Variants in GADL1 observed in about 807,000 individuals in gnomAD.
The protein encoded by GADL1 is acidic amino acid decarboxylase GADL1.
A neutral mutation model predicts 69.5 loss-of-function variants in GADL1; 71 were observed. That is an observed-to-expected ratio of 1.02 (90% CI 0.84 to 1.25). The LOEUF (loss-of-function observed/expected upper bound fraction) is 1.25. GADL1 is among the 50% of genes most tolerant of loss of function. GADL1 has a pLI of 0.00. For missense variants in GADL1, 737 were observed against 631.8 expected (o/e 1.17, Z -1.79); for synonymous variants, 254 against 214.4 (o/e 1.18, Z -1.62).
chr3:30,784,785 C>T (rs1317462271), intron 13 of GADL1, among the ~76,000 whole-genome samples: 1 of 152,146 alleles, frequency 6.6e-6, no homozygotes, highest in African/African-American at 2.4e-5. Flanking sequence ...AAAACATCTC[C>T]AGTGACTACA....
intron 14 of GADL1, among the ~76,000 whole-genome samples, chr3:30,756,651 C>T (rs1266562015): frequency 6.6e-6 from 1 of 152,090 alleles, no homozygotes; most frequent in Non-Finnish European, 1.5e-5. Context: ...GGAACACTAC[C>T]ACTGGCAGAA....
chr3:30,853,650 A>G (rs1698183939), intron 4 of GADL1, among the ~76,000 whole-genome samples: 1 of 152,184 alleles, frequency 6.6e-6, no homozygotes, highest in Non-Finnish European at 1.5e-5. Context: ...TATGAATGAT[A>G]TGACCATGAA....
chr3:30,761,740 C>G (rs935411550), intron 14 of GADL1, among the ~76,000 whole-genome samples: 1 of 151,978 alleles, frequency 6.6e-6, no homozygotes, highest in Non-Finnish European at 1.5e-5. Context: ...ATCATTAGAC[C>G]AGTAAGTAAA....
In GADL1 at chr3:30,839,072, A is replaced by G. The variant is rs113544298; in HGVS notation, c.828T>C (p.Thr276=). 3 of 1,605,796 alleles carry G rather than the reference A, an allele frequency of 1.9e-6. No individual in the cohort carries two copies. The highest frequency in any genetic ancestry group is 2.6e-6 in the Non-Finnish European group (3 of 1,176,210). Residue 276 remains threonine, a synonymous_variant, in exon 9 of 15, where the codon ACT becomes ACC. Transcript: ENST00000282538. The part of the protein sequence containing the change: ...PFLVCATSGT[T]VLGAFDPLDE... ...CCAGAGGGTCAAAAGCTCCCAACAC[A>G]GTTGTACCAGAAGTGGCACAGACAA...
At chr3:30,819,125 T>A (rs1697525451) in intron 11 of GADL1, among the ~76,000 whole-genome samples, 1 of 151,936 alleles carries the variant, frequency 6.6e-6, no homozygotes. Flanking sequence ...GAGTTTCACC[T>A]AGAATTCGAG....
chr3:30,804,330 G>A (rs936894375), intron 11 of GADL1, among the ~76,000 whole-genome samples: 6 of 152,004 alleles, frequency 3.9e-5, no homozygotes, highest in Non-Finnish European at 7.4e-5. Context: ...ATGGAGAGGA[G>A]GCTCTGTTTG....
chr3:30,846,066 AAAC>A (rs1344344527), intron 6 of GADL1, among the ~76,000 whole-genome samples: 28 of 152,154 alleles, frequency 1.8e-4, no homozygotes, highest in African/African-American at 6.3e-4. Context: ...AAAAAAAAAA[AAAC>A]AAAAAACTGC....
intron 1 of GADL1, among the ~76,000 whole-genome samples, chr3:30,874,630 C>A (rs1434492137): frequency 6.6e-6 from 1 of 151,908 alleles, no homozygotes; most frequent in East Asian, 1.9e-4. Flanking sequence ...TCACCAGATC[C>A]ACTAAGTGTT....
intron 13 of GADL1, among the ~76,000 whole-genome samples, chr3:30,780,150 C>T (rs796777457): frequency 3.0e-4 from 46 of 152,310 alleles, no homozygotes; most frequent in African/African-American, 1.1e-3. Context: ...GAGAGAGATG[C>T]CAGCTAGGCA....
At chr3:30,842,796 T>TG (rs1697989046) in intron 8 of GADL1, among the ~76,000 whole-genome samples, 2 of 84,000 alleles carry the variant, frequency 2.4e-5, no homozygotes, top group African/African-American at 9.3e-5. Flanking sequence ...CAGATAACAA[T>TG]AAAGTTCACT....
intron 14 of GADL1, among the ~76,000 whole-genome samples, chr3:30,733,294 G>A (rs7614821): frequency 0.37 from 55,737 of 151,978 alleles, 11,992 homozygotes; most frequent in African/African-American, 0.6. Context: ...GCAGACTGGT[G>A]ACACAGATGG....
At chr3:30,818,724 T>A (rs2125516482) in intron 11 of GADL1, among the ~76,000 whole-genome samples, 1 of 152,258 alleles carries the variant, frequency 6.6e-6, no homozygotes, top group African/African-American at 2.4e-5. Context: ...TAACTGAGCC[T>A]CCTGTGTTTT....
intron 11 of GADL1, among the ~76,000 whole-genome samples, chr3:30,821,398 CT>C (rs950243085): frequency 1.6e-4 from 24 of 151,854 alleles, no homozygotes; most frequent in African/African-American, 4.8e-4. Context: ...TAATGTGTGT[CT>C]TTTTTTTCTC....
chr3:30,797,320 G>T (rs1474302050), intron 12 of GADL1, among the ~76,000 whole-genome samples: 2 of 152,164 alleles, frequency 1.3e-5, no homozygotes, highest in Admixed American at 1.3e-4. Context: ...ACAGCTTGTT[G>T]CTCAGAATAC....
intron 14 of GADL1, among the ~76,000 whole-genome samples, chr3:30,760,851 T>G (rs1351454798): frequency 1.3e-5 from 2 of 152,244 alleles, no homozygotes; most frequent in South Asian, 2.1e-4. Context: ...TCAAATATAC[T>G]GATAAAGATG....
intron 1 of GADL1, among the ~76,000 whole-genome samples, chr3:30,873,109 G>A (rs1174638293): frequency 5.3e-5 from 8 of 151,860 alleles, no homozygotes; most frequent in Admixed American, 5.3e-4. Context: ...TATAATGCAA[G>A]CCACTGACAC....
chr3:30,841,900 G>A lies in GADL1; in HGVS notation c.786+2310C>T, dbSNP rs111262271. Among the ~76,000 whole-genome samples, 515 of 152,218 alleles carry A rather than the reference G, an allele frequency of 3.4e-3. 3 individuals carry two copies. The highest frequency in any genetic ancestry group is 5.5e-3 in the Non-Finnish European group (372 of 68,008). On this transcript the variant is annotated intron_variant, in intron 8 of 14. Transcript: ENST00000282538. Reference sequence around the variant, plus strand: ...AGAAAAATACAACTTAAATCTCATTGAGTCTCAAGATCTAACTGCCAAATT... The same window carrying A: ...AGAAAAATACAACTTAAATCTCATTAAGTCTCAAGATCTAACTGCCAAATT...
intron 11 of GADL1, among the ~76,000 whole-genome samples, chr3:30,803,306 T>A (rs1004528960): frequency 6.6e-6 from 1 of 152,168 alleles, no homozygotes; most frequent in Non-Finnish European, 1.5e-5. Flanking sequence ...GAAATTTGGT[T>A]GTTTCCATAG....
In GADL1 at chr3:30,861,712, C is replaced by T. The variant is rs1261964623; in HGVS notation, c.91G>A (p.Asp31Asn). ...IPSKKNAVLV[D>N]GVVLNGPTTD... ...GTAGGACCATTCAGCACAACCCCAT[C>T]CACAAGAACAGCATTCTTCTTACTT... Residue 31 changes from aspartate to asparagine, a missense_variant, in exon 2 of 15, where the codon GAT becomes AAT. Transcript: ENST00000282538. The T allele has an allele frequency of 1.9e-6, 3 of 1,549,406 alleles. No homozygotes were observed. Among genetic ancestry groups the T allele is most frequent in the East Asian group, 2.4e-5 (1 of 40,878 alleles).
Sources: gnomAD v4.1 joint callset for allele counts (sites outside exome capture counted in the v4.1 genomes callset) on GRCh38, gnomAD v4.1.1 for gene constraint, MANE v1.5 for transcripts, NCBI Gene and HGNC (gene_info 2026-07-23, HGNC 2026-07-21) for gene names.